TCF4: variants seen among roughly 807,000 people sequenced by gnomAD.
The protein encoded by TCF4 is SL3-3 enhancer factor 2.
TCF4 carries 3 observed loss-of-function variants against 82.1 expected under a neutral mutation model. The ratio of observed to expected loss-of-function variants is 0.04; its 90% CI spans 0.02 to 0.09. The LOEUF (loss-of-function observed/expected upper bound fraction) is 0.09. TCF4 is among the 10% of genes least tolerant of loss of function. The pLI is 1.00. For synonymous variants in TCF4, 276 were observed against 309.6 expected (o/e 0.89, Z 1.14); for missense variants, 518 against 852.7 (o/e 0.61, Z 4.89).
intron 3 of TCF4, among the ~76,000 whole-genome samples, chr18:55,573,367 T>C (rs1024500778): frequency 6.7e-6 from 1 of 150,176 alleles, no homozygotes. Context: ...AGATTTCAAA[T>C]AAAGTCTACA....
At chr18:55,554,380 C>A (rs1238514248) in intron 3 of TCF4, among the ~76,000 whole-genome samples, 1 of 151,978 alleles carries the variant, frequency 6.6e-6, no homozygotes. Flanking sequence ...TAATAAAACA[C>A]TAGTTTTATT....
intron 8 of TCF4, among the ~76,000 whole-genome samples, chr18:55,305,576 T>C (rs895541857): frequency 3.9e-5 from 6 of 152,226 alleles, no homozygotes; most frequent in Non-Finnish European, 7.4e-5. Flanking sequence ...TTTTTGGTTG[T>C]TAAGCTTTCA....
At chr18:55,548,968 A>G (rs375001150) in intron 3 of TCF4, among the ~76,000 whole-genome samples, 1 of 152,162 alleles carries the variant, frequency 6.6e-6, no homozygotes, top group Non-Finnish European at 1.5e-5. Context: ...CTTTATCAAC[A>G]TTGTACATTA....
At chr18:55,453,857 GTATTAT>G (rs1456457027) in intron 5 of TCF4, among the ~76,000 whole-genome samples, 3 of 150,236 alleles carry the variant, frequency 2.0e-5, no homozygotes, top group African/African-American at 7.3e-5. Flanking sequence ...ATAGTAATAA[GTATTAT>G]TATTATTAGC....
chr18:55,613,126 A>G (rs950184679), intron 2 of TCF4, among the ~76,000 whole-genome samples: 4 of 152,132 alleles, frequency 2.6e-5, no homozygotes, highest in African/African-American at 9.7e-5. Context: ...TTTGACATTC[A>G]ATAAACTGCA....
intron 6 of TCF4, among the ~76,000 whole-genome samples, chr18:55,368,921 G>A (rs2088066260): frequency 6.6e-6 from 1 of 152,210 alleles, no homozygotes; most frequent in Non-Finnish European, 1.5e-5. Flanking sequence ...AGTCTTGCTA[G>A]CTGTGATATG....
chr18:55,426,607 T>G (rs2094993439), intron 5 of TCF4, among the ~76,000 whole-genome samples: 4 of 152,234 alleles, frequency 2.6e-5, no homozygotes, highest in Admixed American at 2.6e-4. Context: ...TTAAATTCCT[T>G]GTGCATCTGT....
intron 3 of TCF4, among the ~76,000 whole-genome samples, chr18:55,547,960 G>A (rs1256146641): frequency 1.3e-5 from 2 of 151,874 alleles, no homozygotes; most frequent in East Asian, 1.9e-4. Flanking sequence ...CTGAAAAGAA[G>A]TTTTGTGACC....
At chr18:55,345,273 G>C (rs2080912192) in intron 8 of TCF4, among the ~76,000 whole-genome samples, 1 of 146,240 alleles carries the variant, frequency 6.8e-6, no homozygotes, top group Non-Finnish European at 1.5e-5. Context: ...ATGTGTAATA[G>C]AGAAGATAAG....
At chr18:55,378,040 A>G (rs2091181655) in intron 6 of TCF4, among the ~76,000 whole-genome samples, 2 of 152,212 alleles carry the variant, frequency 1.3e-5, no homozygotes, top group Non-Finnish European at 2.9e-5. Flanking sequence ...TGGTTTTAAT[A>G]CCTTGTTTTC....
chr18:55,321,785 T>G (rs1400254330), intron 8 of TCF4: 1 of 1,512,604 alleles, frequency 6.6e-7, no homozygotes, highest in Non-Finnish European at 8.8e-7. Flanking sequence ...ACAACTTTTA[T>G]TTCAAACTCG....
chr18:55,372,914 T>C (rs1386437781), intron 6 of TCF4, among the ~76,000 whole-genome samples: 2 of 152,112 alleles, frequency 1.3e-5, no homozygotes, highest in East Asian at 3.8e-4. Flanking sequence ...ATTTGAAATA[T>C]GTGAGTTAGA....
chr18:55,399,458 A>G (rs2093675416), intron 6 of TCF4, among the ~76,000 whole-genome samples: 1 of 152,168 alleles, frequency 6.6e-6, no homozygotes, highest in Non-Finnish European at 1.5e-5. Context: ...AAGAAGAAAA[A>G]GAATTTGGAT....
intron 6 of TCF4, among the ~76,000 whole-genome samples, chr18:55,362,950 T>G (rs1484130481): frequency 6.6e-6 from 1 of 152,222 alleles, no homozygotes; most frequent in Non-Finnish European, 1.5e-5. Flanking sequence ...TATATCAATT[T>G]TTAAAAGAAA....
chr18:55,583,777 T>C (rs1308074510), intron 3 of TCF4, among the ~76,000 whole-genome samples: 2 of 152,140 alleles, frequency 1.3e-5, no homozygotes, highest in Non-Finnish European at 1.5e-5. Flanking sequence ...TTAGTTTTGA[T>C]CTTGTCTAAC....
intron 8 of TCF4, among the ~76,000 whole-genome samples, chr18:55,313,785 T>C (rs1027383485): frequency 4.6e-5 from 7 of 152,150 alleles, no homozygotes; most frequent in African/African-American, 1.7e-4. Context: ...AAGAAAAGTA[T>C]AATCTTATAC....
chr18:55,608,369 A>ATTTTTT (rs746413576), intron 2 of TCF4, among the ~76,000 whole-genome samples: 5 of 117,236 alleles, frequency 4.3e-5, no homozygotes, highest in Non-Finnish European at 8.5e-5. Context: ...TTGCCACAGT[A>ATTTTTT]TTTTTTTTTT....
At chr18:55,501,019 C>T (rs1179006747) in intron 3 of TCF4, among the ~76,000 whole-genome samples, 1 of 152,082 alleles carries the variant, frequency 6.6e-6, no homozygotes, top group Non-Finnish European at 1.5e-5. Flanking sequence ...TTACTGAGAA[C>T]CCTGGAAGAT....
At chr18:55,440,562 TTC>T (rs2095420440) in intron 5 of TCF4, among the ~76,000 whole-genome samples, 1 of 152,194 alleles carries the variant, frequency 6.6e-6, no homozygotes, top group Non-Finnish European at 1.5e-5. Flanking sequence ...ACATTACCCT[TTC>T]TCTGTCTTCC....
Sources: allele counts gnomAD v4.1 joint callset (sites outside exome capture counted in the v4.1 genomes callset), GRCh38; gene constraint gnomAD v4.1.1; transcripts MANE v1.5; gene names NCBI Gene and HGNC (gene_info 2026-07-23, HGNC 2026-07-21).